USH2A: variants seen among roughly 807,000 people sequenced by gnomAD.
USH2A encodes usherin.
In USH2A, 443 loss-of-function variants were observed where a neutral mutation model predicts 538.9. The ratio of observed to expected loss-of-function variants is 0.82; its 90% CI spans 0.76 to 0.89. USH2A has a LOEUF of 0.89. USH2A is among the 40% of genes least tolerant of loss of function. The pLI, the probability that USH2A is intolerant of heterozygous loss-of-function variation, is 0.00. For synonymous variants in USH2A, 2,413 were observed against 2,273.5 expected, an observed-to-expected ratio of 1.06 and a Z score of -1.75; for missense variants, 6,633 against 6,324.8, an observed-to-expected ratio of 1.05 and a Z score of -1.65.
At chr1:216,205,819 T>G (rs2035100075) in intron 16 of USH2A, among the ~76,000 whole-genome samples, 1 of 152,188 alleles carries the variant, frequency 6.6e-6, no homozygotes, top group African/African-American at 2.4e-5. Context: ...TCAGAGAAGA[T>G]AGAGCTGGAA....
chr1:216,051,308 G>A (rs185771728), intron 30 of USH2A, among the ~76,000 whole-genome samples: 1 of 152,286 alleles, frequency 6.6e-6, no homozygotes, highest in East Asian at 1.9e-4. Flanking sequence ...CCCCAACCAA[G>A]AATCAACATT....
At chr1:215,654,417 TTTA>T (rs781207802) in intron 64 of USH2A, among the ~76,000 whole-genome samples, 1 of 152,192 alleles carries the variant, frequency 6.6e-6, no homozygotes, top group African/African-American at 2.4e-5. Context: ...ACTGAACATA[TTTA>T]TTCTTTTATA....
At chr1:216,134,311 G>A (rs994197604) in intron 21 of USH2A, among the ~76,000 whole-genome samples, 1 of 152,010 alleles carries the variant, frequency 6.6e-6, no homozygotes, top group Non-Finnish European at 1.5e-5. Flanking sequence ...ATTCACACAT[G>A]AAACCCTTCG....
At chr1:216,045,165 C>A (rs2030458228) in intron 32 of USH2A, among the ~76,000 whole-genome samples, 1 of 152,044 alleles carries the variant, frequency 6.6e-6, no homozygotes, top group African/African-American at 2.4e-5. Flanking sequence ...CTTGTTATGA[C>A]CTTTATGAAG....
intron 61 of USH2A, among the ~76,000 whole-genome samples, chr1:215,702,240 C>T (rs1659048461): frequency 6.6e-6 from 1 of 152,158 alleles, no homozygotes; most frequent in African/African-American, 2.4e-5. Context: ...TTGTCTCTGG[C>T]TGCCCTTAAC....
intron 4 of USH2A, among the ~76,000 whole-genome samples, chr1:216,343,485 C>T (rs1023293945): frequency 6.7e-6 from 1 of 149,114 alleles, no homozygotes; most frequent in African/African-American, 2.5e-5. Context: ...ACGATCATGC[C>T]ACTGCACTCC....
intron 33 of USH2A, among the ~76,000 whole-genome samples, chr1:215,999,439 G>T (rs1668215432): frequency 6.6e-6 from 1 of 152,138 alleles, no homozygotes; most frequent in South Asian, 2.1e-4. Flanking sequence ...CCAACACAGG[G>T]TTAATATGTA....
At chr1:215,690,802 A>G (rs893716130) in intron 61 of USH2A, among the ~76,000 whole-genome samples, 2 of 152,152 alleles carry the variant, frequency 1.3e-5, no homozygotes, top group Admixed American at 6.6e-5. Context: ...ATACATCCAG[A>G]ATCCTACCAG....
Position 216,083,560 on chromosome 1 carries a change from A to G in USH2A, c.5194T>C (p.Phe1732Leu). Residue 1732 changes from phenylalanine (F) to leucine (L), a missense_variant, in exon 26 of 72, where the codon TTT becomes CTT. Phe to Leu is a conservative substitution (Grantham distance 22, BLOSUM62 0). Transcript: ENST00000307340. ...ATCTCAAAGTTCATTCCACCATGAAACATATATGGATGAAGTTCCAGGAAC... is the reference window on the plus strand; with the variant it reads ...ATCTCAAAGTTCATTCCACCATGAAGCATATATGGATGAAGTTCCAGGAAC... ...AGFLELHPYM[F>L]HGGMNFEISF... 1.2e-6 allele frequency: 2 copies of G among 1,612,396 alleles called. No individual in the cohort carries two copies. Among genetic ancestry groups the G allele is most frequent in the Non-Finnish European group, 1.7e-6 (2 of 1,179,068 alleles).
At chr1:216,008,289 T>C (rs1408650285) in intron 32 of USH2A, among the ~76,000 whole-genome samples, 1 of 151,968 alleles carries the variant, frequency 6.6e-6, no homozygotes, top group Non-Finnish European at 1.5e-5. Flanking sequence ...GATGACATTG[T>C]CTTGTGAAAT....
At chr1:216,050,616 T>TTTC (rs2030743333) in intron 30 of USH2A, among the ~76,000 whole-genome samples, 2 of 47,546 alleles carry the variant, frequency 4.2e-5, no homozygotes, top group Non-Finnish European at 8.5e-5. Flanking sequence ...TTTTTTTTTT[T>TTTC]TTTTTTGAGA....
intron 45 of USH2A, among the ~76,000 whole-genome samples, chr1:215,844,762 A>G (rs1663793385): frequency 6.6e-6 from 1 of 152,162 alleles, no homozygotes; most frequent in South Asian, 2.1e-4. Context: ...ATGATGATAA[A>G]TTATTCACCC....
chr1:216,382,993 A>G (rs975629614), intron 3 of USH2A, among the ~76,000 whole-genome samples: 13 of 152,184 alleles, frequency 8.5e-5, no homozygotes, highest in Non-Finnish European at 1.9e-4. Context: ...TTCAGCTAAG[A>G]AAAGCTTACC....
At chr1:216,279,430 C>T (rs767627424) in intron 11 of USH2A, among the ~76,000 whole-genome samples, 1 of 152,124 alleles carries the variant, frequency 6.6e-6, no homozygotes, top group Non-Finnish European at 1.5e-5. Context: ...TACACACTCA[C>T]AACTCCCCTA....
At chr1:216,205,945 T>C (rs1442608541) in intron 16 of USH2A, among the ~76,000 whole-genome samples, 1 of 152,228 alleles carries the variant, frequency 6.6e-6, no homozygotes, top group Non-Finnish European at 1.5e-5. Context: ...TATAAGCTCC[T>C]TTAAAATCTT....
chr1:215,694,668 G>T (rs951362337), intron 61 of USH2A, among the ~76,000 whole-genome samples: 1 of 152,148 alleles, frequency 6.6e-6, no homozygotes, highest in Non-Finnish European at 1.5e-5. Flanking sequence ...TTACTCACAG[G>T]TCCACCTTTA....
At chr1:216,166,187 A>G (rs2034165636) in intron 21 of USH2A, among the ~76,000 whole-genome samples, 1 of 152,086 alleles carries the variant, frequency 6.6e-6, no homozygotes, top group Admixed American at 6.6e-5. Flanking sequence ...AGCTAAGCTA[A>G]CCCTTTCATG....
intron 21 of USH2A, among the ~76,000 whole-genome samples, chr1:216,173,347 A>C (rs2102638976): frequency 6.6e-6 from 1 of 152,292 alleles, no homozygotes; most frequent in South Asian, 2.1e-4. Context: ...AGTAAAGCCA[A>C]GCTACCACTA....
chr1:216,078,217 C>G lies in USH2A; in HGVS notation c.5444G>C (p.Ser1815Thr). 6.2e-7 allele frequency: 1 copy of G among 1,613,856 alleles called. No homozygotes were observed. Residue 1815 changes from serine to threonine, a missense_variant, in exon 27 of 72, where the codon AGT becomes ACT. Physicochemically the swap from Ser to Thr is moderately conservative, Grantham distance 58. Transcript: ENST00000307340. ...TGCATGCTTCATCAGTCCATTCACA[C>G]TTGCTGATATGAAAGAGCCTTCCTT... ...IKKEGSFISA[S>T]VNGLMKHASE...
Sources: allele counts gnomAD v4.1 joint callset (sites outside exome capture counted in the v4.1 genomes callset), GRCh38; gene constraint gnomAD v4.1.1; transcripts MANE v1.5; gene names NCBI Gene and HGNC (gene_info 2026-07-23, HGNC 2026-07-21).